MEMO1: variants seen among roughly 807,000 people sequenced by gnomAD.
MEMO1 encodes the protein protein MEMO1.
Under a neutral mutation model 45.2 loss-of-function variants are expected in MEMO1, and 6 were observed. That is an observed-to-expected ratio of 0.13 (90% confidence interval 0.07 to 0.26). The LOEUF is 0.26. Among genes scored for constraint, MEMO1 ranks in the 10% least tolerant of loss-of-function variants. MEMO1 has a pLI of 1.00. For missense variants in MEMO1, 184 were observed against 370.5 expected (o/e 0.50, Z 4.13); for synonymous variants, 78 against 124.3 (o/e 0.63, Z 2.48).
intron 8 of MEMO1, among the ~76,000 whole-genome samples, chr2:31,875,744 T>C (rs1309968367): frequency 6.6e-6 from 1 of 152,084 alleles, no homozygotes; most frequent in Non-Finnish European, 1.5e-5. Flanking sequence ...TGGAGTGCAG[T>C]GGTGCAATCT....
In MEMO1 at chr2:31,920,791, T is replaced by C. The variant is rs760424248; in HGVS notation, c.325+7A>G. The stretch of plus-strand genomic sequence containing the variant: ...ATTTGAAAGCTATAATATTTCTATA[T>C]ACTTACTCTTTTGGTCAATACGAAG... On this transcript the variant is annotated splice_region_variant and intron_variant, in intron 5 of 9. Transcript: ENST00000404530. 6.1e-5 allele frequency: 91 copies of C among 1,494,782 alleles called. No individual in the cohort carries two copies. Among genetic ancestry groups the C allele is most frequent in the Non-Finnish European group, 8.3e-5 (91 of 1,101,614 alleles). The allele number at this position is 1,494,782 out of a possible 1,614,324, so 92.6% of individuals were successfully genotyped here.
chr2:31,919,804 C>A (rs114449407), intron 5 of MEMO1, among the ~76,000 whole-genome samples: 59 of 151,928 alleles, frequency 3.9e-4, no homozygotes, highest in African/African-American at 1.4e-3. Context: ...GCCTGGGCAA[C>A]GGAGTGAGAC....
chr2:32,000,084 C>G (rs2148589261), intron 2 of MEMO1, among the ~76,000 whole-genome samples: 1 of 152,040 alleles, frequency 6.6e-6, no homozygotes. Flanking sequence ...GATGGTCTCA[C>G]TTTTTTGTCC....
chr2:31,961,177 G>A (rs1558534980), intron 2 of MEMO1, among the ~76,000 whole-genome samples: 1 of 151,920 alleles, frequency 6.6e-6, no homozygotes, highest in Non-Finnish European at 1.5e-5. Context: ...GGCCAACATG[G>A]GGAATCCCCC....
intron 3 of MEMO1, among the ~76,000 whole-genome samples, chr2:31,933,348 A>AAAAAAAAATATATATATATAT (rs1558514269): frequency 6.2e-5 from 1 of 16,186 alleles, no homozygotes. Context: ...AAAAAAAAAA[A>AAAAAAAAATATATATATATAT]ATTTATATAT....
At chr2:32,007,419 A>G (rs1674235854) in intron 2 of MEMO1, among the ~76,000 whole-genome samples, 1 of 152,230 alleles carries the variant, frequency 6.6e-6, no homozygotes, top group Non-Finnish European at 1.5e-5. Context: ...TACTTCAAAT[A>G]AACTGAAAAT....
chr2:31,922,711 T>C (rs892761303), intron 4 of MEMO1, among the ~76,000 whole-genome samples: 3 of 152,056 alleles, frequency 2.0e-5, no homozygotes, highest in African/African-American at 7.2e-5. Context: ...AGCTTCTACT[T>C]GTGAGAACAT....
Position 31,891,991 on chromosome 2 carries a change from C to A in MEMO1, c.580+1G>T. ...ATGATATGTTAAAATCTAGAACTTA[C>A]CCCAATGGCAGAAATCAGAAGAAAC... is the stretch of plus-strand genomic sequence containing the variant. On this transcript the variant is annotated splice_donor_variant, in intron 7 of 9. Coordinates refer to ENST00000404530, the MANE Select transcript of MEMO1 (RefSeq NM_001301833.4). LOFTEE classifies it high-confidence loss of function. The A allele has an allele frequency of 6.2e-7, 1 of 1,610,214 alleles. No homozygotes were observed. The highest frequency in any genetic ancestry group is 8.5e-7 in the Non-Finnish European group (1 of 1,178,718).
intron 2 of MEMO1, among the ~76,000 whole-genome samples, chr2:32,000,787 C>T (rs1430815409): frequency 1.4e-5 from 2 of 146,194 alleles, no homozygotes; most frequent in Non-Finnish European, 3.0e-5. Context: ...TAGCATACCA[C>T]ATATTTTTTT....
rs569440215 is a variant in MEMO1, at chr2:31,994,804, C to T, written c.61+15383G>A. On this transcript the variant is annotated intron_variant, in intron 2 of 9. Transcript: ENST00000404530. ...CTCTACCAAAAATACAAAAATTAGC[C>T]GGGCATGGTGGTGCACACCTGTAGT... Among the ~76,000 whole-genome samples, 7 of 152,044 alleles carry T rather than the reference C, an allele frequency of 4.6e-5. No individual in the cohort carries two copies. The South Asian group carries it at 1.2e-3, about 27-fold the overall frequency.
At chr2:31,886,729 A>G (rs1041550085) in intron 7 of MEMO1, among the ~76,000 whole-genome samples, 1 of 152,166 alleles carries the variant, frequency 6.6e-6, no homozygotes, top group African/African-American at 2.4e-5. Flanking sequence ...GGAGAACTGG[A>G]CTTTTGTACT....
chr2:32,010,774 C>T (rs1281014760), intron 1 of MEMO1, among the ~76,000 whole-genome samples, 168 bp downstream of exon 1: 2 of 151,748 alleles, frequency 1.3e-5, no homozygotes, highest in African/African-American at 2.4e-5. Flanking sequence ...CTCCTCCTCC[C>T]GGCCGCGCGG....
intron 2 of MEMO1, among the ~76,000 whole-genome samples, chr2:31,976,431 A>G (rs1284580400): frequency 2.0e-5 from 3 of 152,054 alleles, no homozygotes; most frequent in African/African-American, 7.2e-5. Context: ...TACAAAAATT[A>G]GCCAGGCATG....
chr2:31,992,136 T>C (rs890963243), intron 2 of MEMO1, among the ~76,000 whole-genome samples: 1 of 152,230 alleles, frequency 6.6e-6, no homozygotes, highest in Non-Finnish European at 1.5e-5. Flanking sequence ...GCATATTTCT[T>C]TCCACATGGA....
chr2:31,930,489 A>G (rs1664013454), intron 4 of MEMO1, among the ~76,000 whole-genome samples: 2 of 152,086 alleles, frequency 1.3e-5, no homozygotes, highest in South Asian at 4.2e-4. Flanking sequence ...AAATTCCTAA[A>G]CCTAATTTAA....
chr2:31,945,207 C>T (rs1666056413), intron 2 of MEMO1, among the ~76,000 whole-genome samples: 1 of 152,094 alleles, frequency 6.6e-6, no homozygotes, highest in African/African-American at 2.4e-5. Context: ...ATATATGTTG[C>T]CCTAAATCAT....
chr2:31,891,330 A>G (rs569853373), intron 7 of MEMO1, among the ~76,000 whole-genome samples: 101 of 152,316 alleles, frequency 6.6e-4, no homozygotes, highest in African/African-American at 2.3e-3. Context: ...AGACTGTAGA[A>G]GCAACGTTTA....
At chr2:31,908,772 G>T (rs918589692) in intron 6 of MEMO1, among the ~76,000 whole-genome samples, 1 of 152,184 alleles carries the variant, frequency 6.6e-6, no homozygotes, top group Non-Finnish European at 1.5e-5. Flanking sequence ...AACTGCAAGA[G>T]AAACTATTTT....
chr2:32,002,221 G>A (rs1182062509), intron 2 of MEMO1, among the ~76,000 whole-genome samples: 5 of 127,338 alleles, frequency 3.9e-5, no homozygotes, highest in Non-Finnish European at 6.4e-5. Context: ...ACGTATATAC[G>A]TATATGTGTA....
Sources: gnomAD v4.1 joint callset for allele counts (sites outside exome capture counted in the v4.1 genomes callset) on GRCh38, gnomAD v4.1.1 for gene constraint, MANE v1.5 for transcripts, NCBI Gene and HGNC (gene_info 2026-07-23, HGNC 2026-07-21) for gene names.